The following LRRC8C variants were observed in gnomAD, a reference collection of about 807,000 sequenced individuals.
LRRC8C encodes leucine rich repeat containing 8 VRAC subunit C.
LRRC8C carries 20 observed loss-of-function variants against 55.3 expected under a neutral mutation model. The ratio of observed to expected loss-of-function variants is 0.36; its 90% CI spans 0.25 to 0.53. The LOEUF (loss-of-function observed/expected upper bound fraction) is 0.53, where lower values mean the gene tolerates loss of function less well. LRRC8C is among the 20% of genes least tolerant of loss of function. The pLI is 0.92. For synonymous variants in LRRC8C, 376 were observed against 360.7 expected (o/e 1.04, Z -0.48); for missense variants, 659 against 951.4 (o/e 0.69, Z 4.04).
chr1:89,623,160 ACACACACACACACACACACACATGCG>A, the LRRC8C span, among the ~76,000 whole-genome samples: 1 of 45,612 alleles, frequency 2.2e-5, no homozygotes, highest in African/African-American at 8.7e-5. Context: ...AGACACACAC[ACACACACACACACACACACACATGCG>A]CACACACACA....
chr1:89,704,314 C>T (rs1444640781), intron 2 of LRRC8C, among the ~76,000 whole-genome samples: 1 of 152,094 alleles, frequency 6.6e-6, no homozygotes, highest in Non-Finnish European at 1.5e-5. Flanking sequence ...GAGACTAACA[C>T]ACTTTTTAGT....
intron 1 of LRRC8C, among the ~76,000 whole-genome samples, chr1:89,672,810 T>TTA (rs199928058): frequency 0.016 from 2,414 of 150,866 alleles, 68 homozygotes; most frequent in African/African-American, 0.055. Flanking sequence ...ATTTATTTAT[T>TTA]TTTATAGAAA....
chr1:89,660,359 A>G (rs529674329), intron 1 of LRRC8C, among the ~76,000 whole-genome samples: 4 of 152,270 alleles, frequency 2.6e-5, no homozygotes, highest in African/African-American at 9.6e-5. Context: ...TACATGTTGG[A>G]ATCACTTGAG....
intron 1 of LRRC8C, among the ~76,000 whole-genome samples, chr1:89,642,137 T>G (rs1656474167): frequency 6.6e-6 from 1 of 152,214 alleles, no homozygotes. Context: ...CTAATTTATC[T>G]CCATCAGATT....
At position 89,715,634 on chromosome 1, in the gene LRRC8C, T is replaced by C. The variant is rs1658797236; in HGVS notation, c.*652T>C. Reference sequence around the variant, plus strand: ...GTATGTTTGAATTAGGCCTTTATCATTTAACTTATTTGCATTTTACCAACA... The same window carrying C: ...GTATGTTTGAATTAGGCCTTTATCACTTAACTTATTTGCATTTTACCAACA... On this transcript the variant is annotated 3_prime_UTR_variant, in exon 3 of 3. Coordinates refer to ENST00000370454, the MANE Select transcript of LRRC8C (RefSeq NM_032270.5). The C allele has an allele frequency of 6.6e-6, 1 of 152,218 alleles. No individual in the cohort carries two copies. The highest frequency in any genetic ancestry group is 6.5e-5 in the Admixed American group (1 of 15,282). The allele number at this position is 152,218 out of a possible 1,614,324, so 9.4% of individuals were successfully genotyped here. A position where few individuals can be genotyped will look rare whatever the true frequency, so the allele number is the denominator to read the frequency against.
intron 1 of LRRC8C, among the ~76,000 whole-genome samples, chr1:89,662,558 G>A (rs911784231): frequency 2.0e-5 from 3 of 152,182 alleles, no homozygotes; most frequent in African/African-American, 7.2e-5. Context: ...CTAATTGAGA[G>A]ATGATGGTGG....
rs886887949 is a variant in LRRC8C, at chr1:89,709,743, T to G, written c.139-2966T>G. On this transcript the variant is annotated intron_variant, in intron 2 of 2. Coordinates refer to ENST00000370454, the MANE Select transcript of LRRC8C (RefSeq NM_032270.5). ...TTTTGTTTTGTTTTTTGTGTGTGGT[T>G]TTTTTTTGTTTGTTTTTTTTTTGTT... 2.9e-4 allele frequency among the ~76,000 whole-genome samples: 26 copies of G among 89,514 alleles called. 2 individuals are homozygous for G. Among genetic ancestry groups the G allele is most frequent in the African/African-American group, 9.0e-4 (24 of 26,696 alleles). 58.7% of individuals were successfully genotyped at this position (89,514 alleles called of 152,430 possible). A position where few individuals can be genotyped will look rare whatever the true frequency, so the allele number is the denominator to read the frequency against.
At chr1:89,657,532 G>A (rs1656981998) in intron 1 of LRRC8C, among the ~76,000 whole-genome samples, 1 of 151,998 alleles carries the variant, frequency 6.6e-6, no homozygotes, top group African/African-American at 2.4e-5. Context: ...CATGAGGTCA[G>A]GAGTTCGAGA....
chr1:89,633,609 A>C (rs965349991), intron 1 of LRRC8C, among the ~76,000 whole-genome samples: 1 of 152,042 alleles, frequency 6.6e-6, no homozygotes, highest in South Asian at 2.1e-4. Flanking sequence ...CCGCAGCGGC[A>C]GGTCCTGCAG....
intron 2 of LRRC8C, among the ~76,000 whole-genome samples, chr1:89,699,438 C>T (rs565505478): frequency 3.4e-4 from 52 of 152,248 alleles, no homozygotes; most frequent in African/African-American, 1.2e-3. Flanking sequence ...TGTGGTTGAG[C>T]TTGGTGATAA....
intron 2 of LRRC8C, among the ~76,000 whole-genome samples, chr1:89,703,089 G>A (rs1273530444): frequency 3.9e-5 from 6 of 152,172 alleles, no homozygotes; most frequent in Admixed American, 3.9e-4. Context: ...CAAAATTAAA[G>A]AAAGTCAAGT....
chr1:89,704,967 T>C lies in LRRC8C; in HGVS notation c.139-7742T>C, dbSNP rs12068858. 1.2e-3 allele frequency among the ~76,000 whole-genome samples: 187 copies of C among 152,016 alleles called. 3 individuals carry two copies. The Middle Eastern group carries it at 0.02, about 17-fold the overall frequency. On this transcript the variant is annotated intron_variant, in intron 2 of 2. Coordinates refer to ENST00000370454, the MANE Select transcript of LRRC8C (RefSeq NM_032270.5). Reference sequence around the variant, plus strand: ...TAAATCATGCTGCTATAAAGACACATGCACACGTATGTTTATTGTGGCACT... The same window carrying C: ...TAAATCATGCTGCTATAAAGACACACGCACACGTATGTTTATTGTGGCACT...
chr1:89,697,150 G>A (rs1200193008), intron 2 of LRRC8C, among the ~76,000 whole-genome samples: 1 of 152,162 alleles, frequency 6.6e-6, no homozygotes, highest in Non-Finnish European at 1.5e-5. Flanking sequence ...ATTCCTTCAT[G>A]TAGATTGGAC....
the LRRC8C span, chr1:89,626,671 T>C: frequency 2.6e-4 from 40 of 152,062 alleles, 1 homozygote; most frequent in Admixed American, 1.3e-3. Flanking sequence ...GATGAAGAGA[T>C]ATATAGGGTA....
upstream of LRRC8C, chr1:89,632,033 AG>A (rs1163748162): frequency 2.6e-5 from 4 of 152,250 alleles, no homozygotes; most frequent in African/African-American, 9.6e-5. Context: ...TGCCTTTTCC[AG>A]ACTGCCAGCG....
At chr1:89,688,429 C>A (rs565203289) in intron 2 of LRRC8C, among the ~76,000 whole-genome samples, 1 of 152,002 alleles carries the variant, frequency 6.6e-6, no homozygotes, top group Non-Finnish European at 1.5e-5. Context: ...AAGATAAAGG[C>A]AATGGGAAAA....
chr1:89,710,355 G>A (rs762428428), intron 2 of LRRC8C, among the ~76,000 whole-genome samples: 2 of 152,008 alleles, frequency 1.3e-5, no homozygotes, highest in Non-Finnish European at 2.9e-5. Context: ...TGAATCCCGA[G>A]AAATATGATG....
At chr1:89,694,997 C>A (rs1171030919) in intron 2 of LRRC8C, among the ~76,000 whole-genome samples, 1 of 150,540 alleles carries the variant, frequency 6.6e-6, no homozygotes, top group Non-Finnish European at 1.5e-5. Context: ...TCTTGGCTCA[C>A]TGCAACCTCC....
At chr1:89,652,051 A>G (rs945727225) in intron 1 of LRRC8C, among the ~76,000 whole-genome samples, 2 of 152,168 alleles carry the variant, frequency 1.3e-5, no homozygotes, top group Non-Finnish European at 2.9e-5. Flanking sequence ...TTCTTTTTCA[A>G]GGCAATGTAG....
Sources: gnomAD v4.1 joint callset for allele counts (sites outside exome capture counted in the v4.1 genomes callset) on GRCh38, gnomAD v4.1.1 for gene constraint, MANE v1.5 for transcripts, NCBI Gene and HGNC (gene_info 2026-07-23, HGNC 2026-07-21) for gene names.